NCKAP5: variants seen among roughly 807,000 people sequenced by gnomAD.
The protein encoded by NCKAP5 is NCK associated protein 5, also known as nck-associated protein 5.
In NCKAP5, 92 loss-of-function variants were observed where a neutral mutation model predicts 167.0. The observed-to-expected ratio is 0.55, with a 90% CI of 0.47 to 0.66. NCKAP5 has a LOEUF of 0.66. Ranked by LOEUF, NCKAP5 falls within the 30% of genes least tolerant of loss-of-function variation. The pLI is 0.00. For synonymous variants in NCKAP5, 891 were observed against 877.4 expected, an observed-to-expected ratio of 1.02 and a Z score of -0.27; for missense variants, 2,378 against 2,315.0, an observed-to-expected ratio of 1.03 and a Z score of -0.56.
At chr2:133,031,471 C>A (rs2078876913) in intron 6 of NCKAP5, among the ~76,000 whole-genome samples, 1 of 152,200 alleles carries the variant, frequency 6.6e-6, no homozygotes, top group Non-Finnish European at 1.5e-5. Context: ...GCAAACCTTG[C>A]CACTGAGGGC....
At chr2:132,831,059 A>G (rs1436812933) in intron 11 of NCKAP5, among the ~76,000 whole-genome samples, 1 of 152,208 alleles carries the variant, frequency 6.6e-6, no homozygotes, top group African/African-American at 2.4e-5. Flanking sequence ...AGTATGATGC[A>G]CATTGTTCCG....
intron 3 of NCKAP5, among the ~76,000 whole-genome samples, chr2:133,359,429 G>A (rs549605898): frequency 1.3e-5 from 2 of 152,292 alleles, no homozygotes; most frequent in African/African-American, 4.8e-5. Flanking sequence ...TTGCTATGGA[G>A]ATTTTGTGTG....
chr2:133,308,162 C>T (rs1180152317), intron 3 of NCKAP5, among the ~76,000 whole-genome samples: 2 of 142,276 alleles, frequency 1.4e-5, no homozygotes, highest in Admixed American at 7.3e-5. Flanking sequence ...GATCTCGGCT[C>T]ACTGCAAGCT....
chr2:133,438,287 T>C (rs1200079627), intron 3 of NCKAP5, among the ~76,000 whole-genome samples: 1 of 152,238 alleles, frequency 6.6e-6, no homozygotes, highest in African/African-American at 2.4e-5. Flanking sequence ...AGTATGCCTA[T>C]TACAAATATT....
intron 3 of NCKAP5, among the ~76,000 whole-genome samples, chr2:133,467,511 G>C (rs1284768239): frequency 6.6e-6 from 1 of 150,920 alleles, no homozygotes; most frequent in Admixed American, 6.6e-5. Flanking sequence ...GTATCAGAAT[G>C]ATGCTGGCCT....
At chr2:133,115,402 G>A in intron 6 of NCKAP5, among the ~76,000 whole-genome samples, 1 of 152,098 alleles carries the variant, frequency 6.6e-6, no homozygotes, top group Admixed American at 6.5e-5. Flanking sequence ...AAGTGTACAA[G>A]CATCTGTTTT....
the NCKAP5 span, among the ~76,000 whole-genome samples, chr2:133,623,130 C>T: frequency 6.6e-6 from 1 of 152,180 alleles, no homozygotes; most frequent in African/African-American, 2.4e-5. Flanking sequence ...CCTCATCTCT[C>T]ACCTTATACA....
intron 5 of NCKAP5, among the ~76,000 whole-genome samples, chr2:133,179,859 C>G (rs1294618870): frequency 3.3e-5 from 5 of 151,610 alleles, no homozygotes; most frequent in Admixed American, 6.6e-5. Context: ...AGGAATGAAA[C>G]AGAGGGTTTC....
chr2:133,618,713 T>G, the NCKAP5 span, among the ~76,000 whole-genome samples: 5 of 151,790 alleles, frequency 3.3e-5, no homozygotes, highest in South Asian at 4.2e-4. Flanking sequence ...GGTGGGACTG[T>G]AAACTAGTTC....
intron 4 of NCKAP5, among the ~76,000 whole-genome samples, chr2:133,248,429 G>C (rs978322419): frequency 2.6e-5 from 4 of 152,194 alleles, no homozygotes; most frequent in African/African-American, 9.6e-5. Flanking sequence ...CATGTGCCCT[G>C]GGCTCGTCTC....
intron 19 of NCKAP5, among the ~76,000 whole-genome samples, chr2:132,691,767 C>G (rs1686761366): frequency 6.6e-6 from 1 of 152,134 alleles, no homozygotes; most frequent in African/African-American, 2.4e-5. Context: ...GATGTCAGCC[C>G]CAAGATAGCC....
rs562917980 is a variant in NCKAP5 at position 133,466,410 on chromosome 2, T to C, written c.69+51048A>G. ...CAGTACCATGCTGTTTTGGTTACTG[T>C]AGCCTTGTAGTATAGTTTGAAGTCA... On this transcript the variant is annotated intron_variant, in intron 3 of 19. Transcript: ENST00000409261. Among the ~76,000 whole-genome samples the C allele has an allele frequency of 2.1e-4, 31 of 150,252 alleles. No homozygotes were observed. The East Asian group carries it at 5.7e-3, about 28-fold the overall frequency.
At chr2:133,151,972 GA>G (rs1443313469) in intron 5 of NCKAP5, among the ~76,000 whole-genome samples, 1 of 152,002 alleles carries the variant, frequency 6.6e-6, no homozygotes, top group East Asian at 1.9e-4. Flanking sequence ...ACCTGCACAT[GA>G]ATGTTCATAG....
chr2:132,927,403 T>C (rs946383897), intron 8 of NCKAP5, among the ~76,000 whole-genome samples: 6 of 151,886 alleles, frequency 4.0e-5, no homozygotes, highest in Non-Finnish European at 7.4e-5. Context: ...CTGTGAAAAA[T>C]GACATTGGTA....
intron 2 of NCKAP5, among the ~76,000 whole-genome samples, chr2:133,542,057 G>A (rs1215533027): frequency 1.3e-5 from 2 of 152,128 alleles, no homozygotes; most frequent in Non-Finnish European, 2.9e-5. Flanking sequence ...GTGGAGCTGA[G>A]ATCATATGCC....
At chr2:133,404,823 T>G (rs1432001063) in intron 3 of NCKAP5, among the ~76,000 whole-genome samples, 1 of 152,254 alleles carries the variant, frequency 6.6e-6, no homozygotes, top group East Asian at 1.9e-4. Context: ...CCCTGCTGTC[T>G]TCCGCTCTTT....
In NCKAP5 at chr2:133,495,669, A is replaced by G. The variant is rs145564450; in HGVS notation, c.69+21789T>C. Among the ~76,000 whole-genome samples, 253 of 152,292 alleles carry G rather than the reference A, an allele frequency of 1.7e-3. 3 individuals are homozygous for G. The highest frequency in any genetic ancestry group is 5.9e-3 in the African/African-American group (244 of 41,564). On this transcript the variant is annotated intron_variant, in intron 3 of 19. Coordinates refer to ENST00000409261, the MANE Select transcript of NCKAP5 (RefSeq NM_207363.3). The stretch of plus-strand genomic sequence containing the variant: ...CTGAATAACAGGATGATATAGAAGG[A>G]TTCAGTCCAGAGACATGTCTGTGGA...
chr2:133,380,663 T>C (rs1219521508), intron 3 of NCKAP5, among the ~76,000 whole-genome samples: 2 of 152,340 alleles, frequency 1.3e-5, no homozygotes, highest in East Asian at 1.9e-4. Flanking sequence ...GTTCAGACCT[T>C]TGCTATTCTA....
chr2:133,657,761 C>T, the NCKAP5 span, among the ~76,000 whole-genome samples: 24 of 152,208 alleles, frequency 1.6e-4, no homozygotes, highest in Middle Eastern at 3.4e-3. Context: ...GCGGGCGTCA[C>T]GAACTGTGGG....
Sources: allele counts gnomAD v4.1 joint callset (sites outside exome capture counted in the v4.1 genomes callset), GRCh38; gene constraint gnomAD v4.1.1; transcripts MANE v1.5; gene names NCBI Gene and HGNC (gene_info 2026-07-23, HGNC 2026-07-21).